The following POLD1 variants were observed in gnomAD, a reference collection of about 807,000 sequenced individuals.
The protein encoded by POLD1 is DNA polymerase delta 1, catalytic subunit.
A neutral mutation model predicts 129.7 loss-of-function variants in POLD1; 79 were observed. That is an observed-to-expected ratio of 0.61 (90% confidence interval 0.51 to 0.73). The LOEUF (loss-of-function observed/expected upper bound fraction) is 0.73. POLD1 is among the 30% of genes least tolerant of loss of function. The pLI is 0.00. For synonymous variants in POLD1, 714 were observed against 683.3 expected, an observed-to-expected ratio of 1.04 and a Z score of -0.70; for missense variants, 1,338 against 1,595.8, an observed-to-expected ratio of 0.84 and a Z score of 2.75.
intron 26 of POLD1, 54 bp downstream of exon 26, chr19:50,417,323 C>T: frequency 7.5e-7 from 1 of 1,329,372 alleles, no homozygotes; most frequent in Admixed American, 2.0e-5. Context: ...GCTCCCAGGC[C>T]TGTGGGTTGT....
At position 50,416,377 on chromosome 19, in the gene POLD1, G is replaced by A. The variant is rs2122489466; in HGVS notation, c.2821-19G>A. ...GCCCTTTCCCTGGCTGCCCGGGTGTGACTGCCATGTGGCCGCAGGACCCGC... is the reference window on the plus strand; with the variant it reads ...GCCCTTTCCCTGGCTGCCCGGGTGTAACTGCCATGTGGCCGCAGGACCCGC... On this transcript the variant is annotated intron_variant, in intron 22 of 26. Coordinates refer to ENST00000440232, the MANE Select transcript of POLD1 (RefSeq NM_002691.4). 1 of 1,547,718 alleles carries A rather than the reference G, an allele frequency of 6.5e-7. No individual in the cohort carries two copies. Among genetic ancestry groups the A allele is most frequent in the Non-Finnish European group, 8.7e-7 (1 of 1,146,602 alleles).
chr19:50,393,669 A>G (rs2546558), intron 1 of POLD1, among the ~76,000 whole-genome samples: 10,906 of 152,234 alleles, frequency 0.072, 1,303 homozygotes, highest in African/African-American at 0.24. Flanking sequence ...CTGTCTCAAT[A>G]AAGAGAGAAA....
At chr19:50,388,981 C>T (rs1366951266) in intron 1 of POLD1, among the ~76,000 whole-genome samples, 3 of 151,668 alleles carry the variant, frequency 2.0e-5, no homozygotes, top group Non-Finnish European at 2.9e-5. Context: ...TATAGGCGCG[C>T]ACCACCACAT....
intron 1 of POLD1, among the ~76,000 whole-genome samples, chr19:50,388,218 G>A (rs1483413143): frequency 6.6e-6 from 1 of 152,192 alleles, no homozygotes; most frequent in Non-Finnish European, 1.5e-5. Flanking sequence ...GCTTTTTGGG[G>A]TGATGAGAGA....
At chr19:50,407,862 G>A (rs918539550) in intron 14 of POLD1, among the ~76,000 whole-genome samples, 2 of 145,552 alleles carry the variant, frequency 1.4e-5, no homozygotes, top group Non-Finnish European at 3.0e-5. Flanking sequence ...GTGAGCCACC[G>A]TGCCCGGCCG....
chr19:50,402,116 C>G lies in POLD1; in HGVS notation c.581C>G (p.Ser194Cys), dbSNP rs144656348. ...GCCGTGCTGGCTGTGGAACTGTGCT[C>G]CCGAGAGAGTGAGTGCTCCCCCAGG... ...GPAVLAVELCSRESMFGYHGH... is the reference protein window; with the variant it reads ...GPAVLAVELCCRESMFGYHGH... Residue 194 changes from serine (S) to cysteine (C), a missense_variant, in exon 5 of 27, where the codon TCC becomes TGC. By Grantham distance (112) the Ser-to-Cys change is moderately radical. This residue lies in a region of POLD1 where 332 missense variants were observed against 315.7 expected (regional missense o/e 1.05). Transcript: ENST00000440232. 4.5e-4 allele frequency: 733 copies of G among 1,611,626 alleles called. No homozygotes were observed. The highest frequency in any genetic ancestry group is 5.6e-4 in the South Asian group (51 of 90,724).
Position 50,415,588 on chromosome 19 carries a change from G to A in POLD1, c.2715G>A (p.Glu905=), listed in dbSNP as rs2039251614. ...AGCAGGCCCACGTGGAGCTGGCCGAGAGGTCCTGCGCGGGGCGGGTGGCCT... is the reference window on the plus strand; with the variant it reads ...AGCAGGCCCACGTGGAGCTGGCCGAAAGGTCCTGCGCGGGGCGGGTGGCCT... ...AGKQAHVELA[E]RMRKRDPGSA... Residue 905 remains glutamate (E), a splice_region_variant and synonymous_variant, in exon 21 of 27, where the codon GAG becomes GAA. Transcript: ENST00000440232. The A allele has an allele frequency of 6.2e-7, 1 of 1,610,728 alleles. No homozygotes were observed. The highest frequency in any genetic ancestry group is 8.5e-7 in the Non-Finnish European group (1 of 1,178,430).
chr19:50,386,389 C>T (rs371146696), intron 1 of POLD1, among the ~76,000 whole-genome samples: 2 of 152,136 alleles, frequency 1.3e-5, no homozygotes, highest in African/African-American at 4.8e-5. Context: ...CCTCCCACCT[C>T]GGCCTCCCAA....
chr19:50,414,944 G>C lies in POLD1; in HGVS notation c.2518G>C (p.Val840Leu), dbSNP rs763443242. ...CGTGCGCAGGGACAACTGCCCCCTCGTGGCCAACCTGGTCACTGCCTCACT... is the reference window on the plus strand; with the variant it reads ...CGTGCGCAGGGACAACTGCCCCCTCCTGGCCAACCTGGTCACTGCCTCACT... ...EAVRRDNCPL[V>L]ANLVTASLRR... Residue 840 changes from valine to leucine, a missense_variant, in exon 20 of 27, where the codon GTG (valine) becomes CTG (leucine). By Grantham distance (32) the Val-to-Leu change is conservative. This residue lies in a region of POLD1 where 720 missense variants were observed against 1,002.6 expected (regional missense o/e 0.72). Transcript: ENST00000440232. The C allele has an allele frequency of 6.2e-7, 1 of 1,607,598 alleles. No individual in the cohort carries two copies. The highest frequency in any genetic ancestry group is 1.1e-5 in the South Asian group (1 of 90,504).
rs1247841274 is a variant in POLD1, at chr19:50,402,450, C to T, written c.759-4C>T. The T allele has an allele frequency of 1.2e-6, 2 of 1,612,702 alleles. No homozygotes were observed. Among genetic ancestry groups the T allele is most frequent in the Non-Finnish European group, 1.7e-6 (2 of 1,179,460 alleles). ...CCTGTCCACTGACCCCCAGCCCCCT[C>T]CAGGTTCATGGTGGACACGGACATC... On this transcript the variant is annotated splice_polypyrimidine_tract_variant and splice_region_variant and intron_variant, in intron 6 of 26. Coordinates refer to ENST00000440232, the MANE Select transcript of POLD1 (RefSeq NM_002691.4).
intron 1 of POLD1, chr19:50,395,008 T>A (rs565554725): frequency 6.7e-6 from 1 of 149,032 alleles, no homozygotes; most frequent in East Asian, 2.0e-4. Flanking sequence ...GCTAATTTTT[T>A]TTTTTTTTTT....
chr19:50,397,664 A>C (rs904552757), intron 1 of POLD1, among the ~76,000 whole-genome samples: 5 of 152,098 alleles, frequency 3.3e-5, no homozygotes, highest in African/African-American at 1.2e-4. Context: ...TGGCCTCCCA[A>C]AGTGCTGGGA....
In POLD1 at chr19:50,402,273, G is replaced by A. The variant is rs749052483; in HGVS notation, c.658G>A (p.Val220Met). 5.0e-6 allele frequency: 8 copies of A among 1,606,010 alleles called. No individual in the cohort carries two copies. In the African/African-American group the frequency reaches 5.4e-5, roughly 11 times the overall value. Reference sequence around the variant, plus strand: ...CATCACCGTGGCGCTGCCGCGCCTCGTGGCCCCGGCCCGCCGTCTCCTGGA... The same window carrying A: ...CATCACCGTGGCGCTGCCGCGCCTCATGGCCCCGGCCCGCCGTCTCCTGGA... ...LRITVALPRL[V>M]APARRLLEQG... is the part of the protein sequence containing the mutation. The change falls in exon 6 of 27, where the codon GTG becomes ATG. Residue 220 changes from valine to methionine, a missense_variant. Coordinates refer to ENST00000440232, the MANE Select transcript of POLD1 (RefSeq NM_002691.4).
rs368940099 is a variant in POLD1, at chr19:50,402,280, C to G, written c.665C>G (p.Pro222Arg). ...ITVALPRLVA[P>R]ARRLLEQGIR... ...GTGGCGCTGCCGCGCCTCGTGGCCC[C>G]GGCCCGCCGTCTCCTGGAACAGGGC... The change falls in exon 6 of 27, where the codon CCG becomes CGG. Residue 222 changes from proline (P) to arginine (R), a missense_variant. Physicochemically the swap from Pro to Arg is moderately radical, Grantham distance 103. Transcript: ENST00000440232. 1.2e-5 allele frequency: 19 copies of G among 1,607,374 alleles called. No individual in the cohort carries two copies. The highest frequency in any genetic ancestry group is 1.6e-5 in the Non-Finnish European group (19 of 1,175,854).
intron 1 of POLD1, among the ~76,000 whole-genome samples, chr19:50,398,049 G>A (rs571497834): frequency 2.6e-5 from 4 of 152,292 alleles, no homozygotes; most frequent in South Asian, 2.1e-4. Flanking sequence ...TGTGCATACC[G>A]CACATGTGGG....
rs1212103062 is a variant in POLD1 at position 50,397,403 on chromosome 19, CTTTTT to C, written c.-1-1435_-1-1431del. Among the ~76,000 whole-genome samples, 41 of 133,634 alleles carry C rather than the reference CTTTTT, an allele frequency of 3.1e-4. No homozygotes were observed. In the South Asian group the frequency reaches 9.9e-3, roughly 32 times the overall value. 87.7% of individuals were successfully genotyped at this position (133,634 alleles called of 152,430 possible). On this transcript the variant is annotated intron_variant, in intron 1 of 26. Transcript: ENST00000440232. Reference sequence around the variant, plus strand: ...CTGGGCAACAAGAGTGAGATTCTGTCTTTTTTTTTTTTTTTTTCTGAGACGGAGTC... The same window carrying C: ...CTGGGCAACAAGAGTGAGATTCTGTCTTTTTTTTTTTTCTGAGACGGAGTC...
chr19:50,403,792 G>C (rs2038761378), intron 10 of POLD1, among the ~76,000 whole-genome samples, 195 bp downstream of exon 10: 1 of 152,232 alleles, frequency 6.6e-6, no homozygotes, highest in Non-Finnish European at 1.5e-5. Context: ...GCTTTTATCA[G>C]AGGCAAGGAG....
chr19:50,394,179 G>C (rs1416534067), intron 1 of POLD1: 2 of 152,222 alleles, frequency 1.3e-5, no homozygotes, highest in Non-Finnish European at 2.9e-5. Flanking sequence ...CCACTGTGAC[G>C]GGGAAGAGGG....
At position 50,409,562 on chromosome 19, in the gene POLD1, C is replaced by T. The variant is rs2122386153; in HGVS notation, c.2050C>T (p.Gln684Ter). ...CAAGGAGACAGACCCCCTCCGGCGC[C>T]AGGTCCTGGATGGACGGCAGCTGGC... ...LAKETDPLRR[Q>*]VLDGRQLALK... The change falls in exon 17 of 27, where the codon CAG becomes TAG. Residue 684 changes from glutamine (Q) to a stop codon, truncating the protein, a stop_gained. Coordinates refer to ENST00000440232, the MANE Select transcript of POLD1 (RefSeq NM_002691.4). LOFTEE classifies it high-confidence loss of function. The surrounding 1 kb of genome is among the most constrained non-coding windows in gnomAD (Gnocchi z 5.8). 6.2e-7 allele frequency: 1 copy of T among 1,613,522 alleles called. No individual in the cohort carries two copies. The highest frequency in any genetic ancestry group is 1.1e-5 in the South Asian group (1 of 91,086).
Sources: gnomAD v4.1 joint callset for allele counts (sites outside exome capture counted in the v4.1 genomes callset) on GRCh38, gnomAD v4.1.1 for gene constraint, gnomAD v4.1.1 regional missense constraint, Gnocchi (gnomAD v3.1) non-coding constraint, MANE v1.5 for transcripts, NCBI Gene and HGNC (gene_info 2026-07-23, HGNC 2026-07-21) for gene names.